Variants in THOC1 observed in about 807,000 individuals in gnomAD.
THOC1 encodes THO complex subunit 1.
In THOC1, 29 loss-of-function variants were observed where a neutral mutation model predicts 97.3. The observed-to-expected ratio is 0.30, with a 90% CI of 0.22 to 0.41. THOC1 has a LOEUF of 0.41. Among genes scored for constraint, THOC1 ranks in the 10% least tolerant of loss-of-function variants. The pLI is 1.00. For synonymous variants in THOC1, 255 were observed against 257.0 expected (o/e 0.99, Z 0.07); for missense variants, 529 against 761.9 (o/e 0.69, Z 3.60).
chr18:260,019 T>C, intron 5 of THOC1, 167 bp downstream of exon 5: 1 of 533,526 alleles, frequency 1.9e-6, no homozygotes, highest in Non-Finnish European at 3.2e-6. Context: ...TCTCCACACA[T>C]GGTTTTTATT....
intron 16 of THOC1, 74 bp downstream of exon 16, chr18:224,010 G>A (rs1047803935): frequency 9.3e-7 from 1 of 1,077,596 alleles, no homozygotes; most frequent in African/African-American, 1.6e-5. Flanking sequence ...ATTTTGGATG[G>A]AGAGTTCTTA....
chr18:236,109 A>G (rs1442429059), intron 11 of THOC1, among the ~76,000 whole-genome samples: 1 of 151,928 alleles, frequency 6.6e-6, no homozygotes, highest in African/African-American at 2.4e-5. Flanking sequence ...TTATTTATGT[A>G]GCTTTCTTTT....
chr18:226,718 C>T, intron 12 of THOC1, 83 bp downstream of exon 12: 1 of 956,472 alleles, frequency 1.0e-6, no homozygotes, highest in Non-Finnish European at 1.6e-6. Flanking sequence ...ATGAAATGGA[C>T]ACATACATAA....
chr18:259,326 A>G lies in THOC1; in HGVS notation c.425-51T>C, dbSNP rs1598306373. 9 of 1,434,416 alleles carry G rather than the reference A, an allele frequency of 6.3e-6. No individual in the cohort carries two copies. In the East Asian group the frequency reaches 2.1e-4, roughly 34 times the overall value. The allele number at this position is 1,434,416 out of a possible 1,614,324, so 88.9% of individuals were successfully genotyped here. On this transcript the variant is annotated intron_variant, in intron 6 of 20. Transcript: ENST00000261600. ...ACACAGAAAAGATAATTCTATGTTT[A>G]TTACAACCACACCTAAAAGTTTCTA...
intron 4 of THOC1, among the ~76,000 whole-genome samples, chr18:262,416 G>A (rs548124282): frequency 6.0e-4 from 91 of 152,256 alleles, no homozygotes; most frequent in Non-Finnish European, 9.8e-4. Flanking sequence ...ACCAATTATA[G>A]TCTGTCTCAA....
chr18:221,102 G>T (rs674727), intron 17 of THOC1, among the ~76,000 whole-genome samples: 31,016 of 152,050 alleles, frequency 0.2, 3,314 homozygotes, highest in Non-Finnish European at 0.23. Context: ...TTGATTCAAG[G>T]GTTATTTAGA....
At chr18:234,058 T>C (rs1006272144) in intron 11 of THOC1, among the ~76,000 whole-genome samples, 1 of 152,228 alleles carries the variant, frequency 6.6e-6, no homozygotes, top group East Asian at 1.9e-4. Flanking sequence ...CGCCTAGGTA[T>C]TGGAGAGCTT....
intron 11 of THOC1, 135 bp downstream of exon 11, chr18:246,186 TAAC>T (rs1912081030): frequency 1.4e-6 from 1 of 703,332 alleles, no homozygotes; most frequent in Admixed American, 3.7e-5. Context: ...ACTTTCAAAC[TAAC>T]ATTAATCAAT....
At chr18:267,335 C>T (rs559553814) in intron 1 of THOC1, among the ~76,000 whole-genome samples, 2 of 152,334 alleles carry the variant, frequency 1.3e-5, no homozygotes, top group Admixed American at 1.3e-4. Context: ...GCCTACTTCA[C>T]AGTGTTACTC....
chr18:218,158 T>TG (rs1910958616), intron 18 of THOC1, among the ~76,000 whole-genome samples: 1 of 152,216 alleles, frequency 6.6e-6, no homozygotes, highest in African/African-American at 2.4e-5. Flanking sequence ...CAAAGTGCAC[T>TG]GTCTTATTTA....
chr18:260,204 AT>A lies in THOC1; in HGVS notation c.356del (p.Asn119MetfsTer26). 4.5e-6 allele frequency: 7 copies of A among 1,562,392 alleles called. No individual in the cohort carries two copies. Among genetic ancestry groups the A allele is most frequent in the Admixed American group, 3.9e-5 (2 of 50,686 alleles). On this transcript the variant is annotated frameshift_variant, in exon 5 of 21. Transcript: ENST00000261600. LOFTEE classifies it high-confidence loss of function. ...CACTTACTGATTTCCAAGTAGCAAC[AT>A]TTTTTTCCACAAAAGTGAATATTGT... ...CDTIFTFVEK[N>X]VATWKSNTFY...
intron 11 of THOC1, among the ~76,000 whole-genome samples, chr18:236,230 A>G (rs1231954497): frequency 6.6e-6 from 1 of 151,834 alleles, no homozygotes; most frequent in East Asian, 1.9e-4. Context: ...AATTTATTAA[A>G]TTTTGTGTTC....
chr18:233,727 G>C (rs1436708173), intron 11 of THOC1, among the ~76,000 whole-genome samples: 1 of 152,092 alleles, frequency 6.6e-6, no homozygotes, highest in Admixed American at 6.5e-5. Flanking sequence ...ATAATTACCT[G>C]CCCTAATTAC....
rs377519958 is a variant in THOC1, at chr18:235,421, G to A, written c.919-8520C>T. Among the ~76,000 whole-genome samples the A allele has an allele frequency of 1.2e-4, 18 of 151,908 alleles. No homozygotes were observed. In the East Asian group the frequency reaches 1.9e-3, roughly 16 times the overall value. On this transcript the variant is annotated intron_variant, in intron 11 of 20. Transcript: ENST00000261600. ...CTTTTTCTAACTTCTTGAGTTGAAC[G>A]CTCAATTTGTCACTCTTTCTTGACA...
intron 11 of THOC1, among the ~76,000 whole-genome samples, chr18:235,795 G>A (rs1433960836): frequency 2.0e-5 from 3 of 152,050 alleles, no homozygotes; most frequent in South Asian, 2.1e-4. Flanking sequence ...AATGTTCCAC[G>A]TATACACAAA....
intron 7 of THOC1, among the ~76,000 whole-genome samples, chr18:258,104 T>G (rs989483055): frequency 2.0e-5 from 3 of 151,992 alleles, no homozygotes; most frequent in Non-Finnish European, 4.4e-5. Flanking sequence ...AAAAAAATCT[T>G]AAGCGCAGAG....
At chr18:266,079 A>ACAT (rs1912757559) in intron 1 of THOC1, among the ~76,000 whole-genome samples, 1 of 152,208 alleles carries the variant, frequency 6.6e-6, no homozygotes, top group Non-Finnish European at 1.5e-5. Flanking sequence ...CGCCTCCTGG[A>ACAT]GGTATCTTGT....
intron 3 of THOC1, among the ~76,000 whole-genome samples, chr18:264,745 A>C (rs1215445431): frequency 1.3e-5 from 2 of 152,242 alleles, no homozygotes; most frequent in African/African-American, 4.8e-5. Flanking sequence ...AAGGGAATCT[A>C]GCTTTTGGGG....
At chr18:253,321 G>A (rs559507374) in intron 8 of THOC1, among the ~76,000 whole-genome samples, 1 of 152,324 alleles carries the variant, frequency 6.6e-6, no homozygotes, top group East Asian at 1.9e-4. Context: ...GCTGCAGACT[G>A]ATGCAATATT....
Sources: gnomAD v4.1 joint callset for allele counts (sites outside exome capture counted in the v4.1 genomes callset) on GRCh38, gnomAD v4.1.1 for gene constraint, MANE v1.5 for transcripts, NCBI Gene and HGNC (gene_info 2026-07-23, HGNC 2026-07-21) for gene names.